The following CDYL2 variants were observed in gnomAD, a reference collection of about 807,000 sequenced individuals.
CDYL2 encodes the protein chromodomain Y-like protein 2.
Under a neutral mutation model 49.4 loss-of-function variants are expected in CDYL2, and 23 were observed. That is an observed-to-expected ratio of 0.47 (90% CI 0.34 to 0.66). CDYL2 has a LOEUF of 0.66. Among genes scored for constraint, CDYL2 ranks in the 30% least tolerant of loss-of-function variants. The pLI is 0.01. For missense variants in CDYL2, 678 were observed against 656.4 expected, an observed-to-expected ratio of 1.03 and a Z score of -0.36; for synonymous variants, 360 against 268.8, an observed-to-expected ratio of 1.34 and a Z score of -3.32.
At chr16:80,679,852 G>A (rs1338886717) in intron 2 of CDYL2, 1 of 449,654 alleles carries the variant, frequency 2.2e-6, no homozygotes, top group Non-Finnish European at 4.5e-6. Context: ...AGGAACTTCT[G>A]CTGGAGGTGC....
chr16:80,615,100 A>C (rs781148000), intron 4 of CDYL2, among the ~76,000 whole-genome samples: 13 of 152,088 alleles, frequency 8.5e-5, no homozygotes, highest in Non-Finnish European at 1.5e-4. Flanking sequence ...CACATTCCCT[A>C]AGATGGTGGA....
chr16:80,723,578 T>C (rs752168463), intron 1 of CDYL2, among the ~76,000 whole-genome samples: 1 of 152,312 alleles, frequency 6.6e-6, no homozygotes, highest in African/African-American at 2.4e-5. Context: ...GAGATACTGA[T>C]TCCACAGGAT....
intron 3 of CDYL2, 113 bp downstream of exon 3, chr16:80,632,906 G>C (rs1000909711): frequency 2.0e-6 from 2 of 1,024,542 alleles, no homozygotes; most frequent in Admixed American, 4.1e-5. Context: ...TTTTATGCAC[G>C]CTAGTTACCA....
chr16:80,698,501 T>TA (rs1163840278), intron 1 of CDYL2, among the ~76,000 whole-genome samples: 1 of 152,146 alleles, frequency 6.6e-6, no homozygotes, highest in African/African-American at 2.4e-5. Context: ...GCATATGTGA[T>TA]ACGGTTTGGA....
chr16:80,793,495 G>C (rs1173886728), intron 1 of CDYL2, among the ~76,000 whole-genome samples: 1 of 152,210 alleles, frequency 6.6e-6, no homozygotes, highest in Non-Finnish European at 1.5e-5. Flanking sequence ...AGCACTCAAT[G>C]AAGTTCATTG....
intron 1 of CDYL2, among the ~76,000 whole-genome samples, chr16:80,758,697 C>T (rs1159039067): frequency 2.6e-5 from 4 of 151,926 alleles, no homozygotes; most frequent in African/African-American, 7.3e-5. Flanking sequence ...CACCCGCCAC[C>T]ACACCCAGCT....
At chr16:80,732,240 C>A (rs139019361) in intron 1 of CDYL2, among the ~76,000 whole-genome samples, 8 of 152,128 alleles carry the variant, frequency 5.3e-5, no homozygotes, top group African/African-American at 1.9e-4. Flanking sequence ...TCTCTGAAAT[C>A]AGGATACATT....
At chr16:80,761,636 G>T (rs868005861) in intron 1 of CDYL2, among the ~76,000 whole-genome samples, 5 of 152,070 alleles carry the variant, frequency 3.3e-5, no homozygotes, top group Admixed American at 1.3e-4. Flanking sequence ...GAGAGGCCAG[G>T]AAGACCAGAT....
chr16:80,760,951 G>C (rs1906507113), intron 1 of CDYL2, among the ~76,000 whole-genome samples: 1 of 152,106 alleles, frequency 6.6e-6, no homozygotes, highest in South Asian at 2.1e-4. Flanking sequence ...GCGCAAAGGT[G>C]ACAAAAACCA....
chr16:80,683,129 G>C (rs981212139), intron 2 of CDYL2, among the ~76,000 whole-genome samples: 1 of 152,204 alleles, frequency 6.6e-6, no homozygotes, highest in African/African-American at 2.4e-5. Context: ...CCAACCTTCT[G>C]TGAGCCCTTC....
intron 3 of CDYL2, among the ~76,000 whole-genome samples, chr16:80,626,644 G>T (rs1357822938): frequency 3.9e-5 from 6 of 152,194 alleles, no homozygotes. Context: ...AGAAAACAAG[G>T]CATGGCGTGT....
intron 1 of CDYL2, among the ~76,000 whole-genome samples, chr16:80,747,505 C>T (rs755749959): frequency 1.3e-5 from 2 of 152,196 alleles, no homozygotes; most frequent in African/African-American, 2.4e-5. Context: ...GGGCCTATTA[C>T]GTGCTTAATA....
intron 3 of CDYL2, chr16:80,627,646 A>T (rs1330368973): frequency 6.6e-6 from 1 of 152,212 alleles, no homozygotes; most frequent in Non-Finnish European, 1.5e-5. Context: ...TTTAAAGTAA[A>T]ATGTTCCGAA....
At chr16:80,694,994 G>C (rs190638802) in intron 1 of CDYL2, among the ~76,000 whole-genome samples, 1 of 152,218 alleles carries the variant, frequency 6.6e-6, no homozygotes, top group African/African-American at 2.4e-5. Context: ...CTGATAATAA[G>C]AGTAACCCAA....
intron 1 of CDYL2, among the ~76,000 whole-genome samples, chr16:80,701,230 C>G (rs541519173): frequency 6.6e-6 from 1 of 152,142 alleles, no homozygotes; most frequent in East Asian, 1.9e-4. Context: ...ACAGTATGAT[C>G]CCATTTATGT....
At chr16:80,798,887 A>C (rs892113311) in intron 1 of CDYL2, among the ~76,000 whole-genome samples, 2 of 152,208 alleles carry the variant, frequency 1.3e-5, no homozygotes, top group African/African-American at 4.8e-5. Flanking sequence ...GAAACTATCT[A>C]GATGTCCGAT....
At chr16:80,748,122 AAATAATAATAAT>A (rs71143647) in intron 1 of CDYL2, among the ~76,000 whole-genome samples, 11,100 of 135,942 alleles carry the variant, frequency 0.082, 1,028 homozygotes, top group African/African-American at 0.23. Flanking sequence ...TGGGAAGATT[AAATAATAATAAT>A]AATAATAATA....
chr16:80,731,538 C>T (rs1408719594), intron 1 of CDYL2, among the ~76,000 whole-genome samples: 1 of 152,162 alleles, frequency 6.6e-6, no homozygotes, highest in Admixed American at 6.5e-5. Flanking sequence ...TAACCCAGCA[C>T]ATATCCCTAT....
At chr16:80,666,649 C>T (rs915762083) in intron 2 of CDYL2, among the ~76,000 whole-genome samples, 1 of 152,142 alleles carries the variant, frequency 6.6e-6, no homozygotes, top group Admixed American at 6.5e-5. Flanking sequence ...TGACAAAATA[C>T]GGGCTTTCCA....
Sources: gnomAD v4.1 joint callset for allele counts (sites outside exome capture counted in the v4.1 genomes callset) on GRCh38, gnomAD v4.1.1 for gene constraint, MANE v1.5 for transcripts, NCBI Gene and HGNC (gene_info 2026-07-23, HGNC 2026-07-21) for gene names.